Variants in EXOC6 observed in about 807,000 individuals in gnomAD.
The protein encoded by EXOC6 is SEC15-like 1.
In EXOC6, 60 loss-of-function variants were observed where a neutral mutation model predicts 112.5. The observed-to-expected ratio is 0.53, with a 90% confidence interval of 0.43 to 0.66. EXOC6 has a LOEUF of 0.66. EXOC6 is among the 30% of genes least tolerant of loss of function. The probability of loss-of-function intolerance (pLI) is 0.00; values close to 1 mark genes in which losing one functional copy is unlikely to be tolerated. For missense variants in EXOC6, 855 were observed against 957.1 expected (o/e 0.89, Z 1.41); for synonymous variants, 295 against 308.0 (o/e 0.96, Z 0.44).
intron 9 of EXOC6, among the ~76,000 whole-genome samples, chr10:92,933,627 A>C (rs1273397444): frequency 6.6e-6 from 1 of 152,192 alleles, no homozygotes; most frequent in Non-Finnish European, 1.5e-5. Context: ...CATGTAATAA[A>C]CTTTTTATGA....
intron 18 of EXOC6, among the ~76,000 whole-genome samples, chr10:92,995,988 C>A (rs539748560): frequency 1.3e-5 from 2 of 152,162 alleles, no homozygotes; most frequent in African/African-American, 4.8e-5. Context: ...TTCTTTATTA[C>A]CTTTTTCACA....
intron 17 of EXOC6, among the ~76,000 whole-genome samples, chr10:92,964,802 C>T (rs1489577286): frequency 6.6e-6 from 1 of 152,162 alleles, no homozygotes; most frequent in Non-Finnish European, 1.5e-5. Context: ...CAGAGTCTCT[C>T]CATCTTTTAA....
chr10:92,889,811 A>G (rs763716480), intron 1 of EXOC6, among the ~76,000 whole-genome samples: 4 of 151,576 alleles, frequency 2.6e-5, no homozygotes, highest in Non-Finnish European at 4.4e-5. Flanking sequence ...GTGCGGTGGC[A>G]CAATCATGGC....
rs779105427 is a variant in EXOC6, at chr10:92,934,146, T to C, written c.975T>C (p.His325=). The change falls in exon 10 of 22, where the codon CAT becomes CAC. Residue 325 remains histidine, a splice_region_variant and synonymous_variant. Coordinates refer to ENST00000260762, the MANE Select transcript of EXOC6 (RefSeq NM_019053.6). Reference sequence around the variant, plus strand: ...TGATTTTTATTTTTCATTTTAAGCATGAAACAGTTGATGGCTATAGAAGAT... The same window carrying C: ...TGATTTTTATTTTTCATTTTAAGCACGAAACAGTTGATGGCTATAGAAGAT... ...RLVLQPQSNM[H]ETVDGYRRYF... 1.3e-6 allele frequency: 2 copies of C among 1,530,738 alleles called. No individual in the cohort carries two copies. The highest frequency in any genetic ancestry group is 2.4e-5 in the South Asian group (2 of 84,918). 94.8% of individuals were successfully genotyped at this position (1,530,738 alleles called of 1,614,324 possible).
intron 14 of EXOC6, 24 bp downstream of exon 14, chr10:92,948,403 G>A (rs766251636): frequency 2.3e-6 from 3 of 1,306,486 alleles, no homozygotes; most frequent in East Asian, 2.4e-5. Context: ...TTTAATTCAA[G>A]GATTTTCTTA....
chr10:92,896,866 C>T (rs1256969207), intron 4 of EXOC6, among the ~76,000 whole-genome samples: 1 of 152,066 alleles, frequency 6.6e-6, no homozygotes, highest in African/African-American at 2.4e-5. Context: ...TGTTTTTTGA[C>T]TTGTGAGAAT....
chr10:93,011,954 G>T (rs2134228523), intron 19 of EXOC6, among the ~76,000 whole-genome samples: 1 of 152,246 alleles, frequency 6.6e-6, no homozygotes, highest in Admixed American at 6.5e-5. Context: ...GCTAGATTTG[G>T]TCACTAAATT....
chr10:92,939,342 G>A (rs1167083233), intron 12 of EXOC6, among the ~76,000 whole-genome samples: 1 of 152,054 alleles, frequency 6.6e-6, no homozygotes, highest in Non-Finnish European at 1.5e-5. Context: ...AAGATGGGTA[G>A]ATGATGGAGA....
At chr10:92,870,929 C>T (rs1010416478) in intron 1 of EXOC6, among the ~76,000 whole-genome samples, 20 of 152,072 alleles carry the variant, frequency 1.3e-4, no homozygotes, top group African/African-American at 3.4e-4. Flanking sequence ...AGAATGGTCT[C>T]GATCTGCTGA....
At chr10:92,987,765 A>C (rs1843068538) in intron 18 of EXOC6, 1 of 388,788 alleles carries the variant, frequency 2.6e-6, no homozygotes. Flanking sequence ...TCCTTGATAA[A>C]TTTTTAGTTT....
chr10:92,974,637 T>C (rs1464051044), intron 18 of EXOC6, among the ~76,000 whole-genome samples: 1 of 66,778 alleles, frequency 1.5e-5, no homozygotes, highest in East Asian at 7.5e-4. Flanking sequence ...ACTGTACTGC[T>C]GCCATCTCGG....
chr10:92,845,895 G>A (rs746424929), upstream of EXOC6, among the ~76,000 whole-genome samples: 9 of 152,278 alleles, frequency 5.9e-5, no homozygotes, highest in Non-Finnish European at 1.2e-4. Context: ...CCAAGATCAC[G>A]CCATTGTTAC....
chr10:92,830,227 T>C (rs75263742), upstream of EXOC6, among the ~76,000 whole-genome samples: 124 of 152,316 alleles, frequency 8.1e-4, no homozygotes, highest in African/African-American at 3.0e-3. Context: ...GTAACAAACA[T>C]AATGCTTCCT....
rs967825912 is a variant in EXOC6, at chr10:92,954,760, T to C, written c.1638+19T>C. The C allele has an allele frequency of 1.1e-5, 12 of 1,045,116 alleles. No individual in the cohort carries two copies. The highest frequency in any genetic ancestry group is 1.6e-5 in the Non-Finnish European group (11 of 680,396). 64.7% of individuals were successfully genotyped at this position (1,045,116 alleles called of 1,614,324 possible). On this transcript the variant is annotated intron_variant, in intron 16 of 21. Transcript: ENST00000260762. Reference sequence around the variant, plus strand: ...GACAGAGGTAGGTTAAAAAGACACATATAGTGAAATGTTTCATTGTATGAA... The same window carrying C: ...GACAGAGGTAGGTTAAAAAGACACACATAGTGAAATGTTTCATTGTATGAA...
chr10:92,838,759 G>C (rs1223679783), intron 1 of EXOC6, among the ~76,000 whole-genome samples: 1 of 152,152 alleles, frequency 6.6e-6, no homozygotes, highest in Non-Finnish European at 1.5e-5. Flanking sequence ...GTCCCAGCAT[G>C]GTTTAGCTTT....
At chr10:92,940,882 G>A (rs1288727077) in intron 13 of EXOC6, 58 bp downstream of exon 13, 14 of 1,087,298 alleles carry the variant, frequency 1.3e-5, no homozygotes, top group Non-Finnish European at 1.9e-5. Context: ...TGCTCAAGTG[G>A]TTCATTTGCA....
intron 17 of EXOC6, among the ~76,000 whole-genome samples, chr10:92,968,611 A>C (rs1003613549): frequency 1.3e-5 from 2 of 152,192 alleles, no homozygotes; most frequent in African/African-American, 4.8e-5. Flanking sequence ...ATATATTAAT[A>C]GTCTCCATAC....
intron 9 of EXOC6, among the ~76,000 whole-genome samples, chr10:92,932,321 C>T (rs1221343760): frequency 6.6e-6 from 1 of 152,046 alleles, no homozygotes; most frequent in African/African-American, 2.4e-5. Context: ...TACAAAAGAG[C>T]AGGAGGAAAC....
At chr10:92,854,548 T>C (rs1564774096) in intron 1 of EXOC6, among the ~76,000 whole-genome samples, 7 of 152,186 alleles carry the variant, frequency 4.6e-5, no homozygotes. Context: ...GTTGAGGAGT[T>C]CTCTTAGTTT....
Sources: allele counts gnomAD v4.1 joint callset (sites outside exome capture counted in the v4.1 genomes callset), GRCh38; gene constraint gnomAD v4.1.1; transcripts MANE v1.5; gene names NCBI Gene and HGNC (gene_info 2026-07-23, HGNC 2026-07-21).